The following ERMP1 variants were observed in gnomAD, a reference collection of about 807,000 sequenced individuals.
ERMP1 encodes the protein endoplasmic reticulum metallopeptidase 1, also known as Felix-ina.
ERMP1 carries 86 observed loss-of-function variants against 92.0 expected under a neutral mutation model. The observed-to-expected ratio is 0.93, with a 90% CI of 0.79 to 1.12. The LOEUF is 1.12. Ranked by LOEUF, ERMP1 falls within the 50% of genes most tolerant of loss-of-function variation. ERMP1 has a pLI of 0.00. For missense variants in ERMP1, 1,342 were observed against 1,116.3 expected, an observed-to-expected ratio of 1.20 and a Z score of -2.88; for synonymous variants, 530 against 412.8, an observed-to-expected ratio of 1.28 and a Z score of -3.44.
At chr9:5,843,201 T>C (rs1292088780) in intron 6 of ERMP1, among the ~76,000 whole-genome samples, 2 of 152,190 alleles carry the variant, frequency 1.3e-5, no homozygotes, top group Non-Finnish European at 2.9e-5. Context: ...TGGCGTGAAC[T>C]AGAACCCTGG....
At chr9:5,859,217 T>G (rs1830426783) in intron 6 of ERMP1, among the ~76,000 whole-genome samples, 1 of 152,230 alleles carries the variant, frequency 6.6e-6, no homozygotes. Flanking sequence ...AAACGGGATC[T>G]TCTCTGTTCT....
chr9:5,809,233 G>T (rs1341152850), intron 8 of ERMP1, among the ~76,000 whole-genome samples: 1 of 151,432 alleles, frequency 6.6e-6, no homozygotes, highest in African/African-American at 2.4e-5. Context: ...TGTTAGCCAG[G>T]ATGGTCTCGA....
chr9:5,797,059 G>C (rs1328790263), intron 13 of ERMP1, among the ~76,000 whole-genome samples: 1 of 135,356 alleles, frequency 7.4e-6, no homozygotes, highest in African/African-American at 2.5e-5. Context: ...TTTTATTTTT[G>C]AGACAGGGTC....
At chr9:5,793,679 A>T (rs908014784) in intron 13 of ERMP1, among the ~76,000 whole-genome samples, 5 of 152,122 alleles carry the variant, frequency 3.3e-5, no homozygotes, top group Non-Finnish European at 7.4e-5. Flanking sequence ...CTTTTAAAGC[A>T]AGGAAAATTA....
At chr9:5,828,501 T>G (rs13295874) in intron 2 of ERMP1, among the ~76,000 whole-genome samples, 2,978 of 152,342 alleles carry the variant, frequency 0.02, 32 homozygotes, top group Non-Finnish European at 0.025. Context: ...AACACTTTAC[T>G]AACTAACCTT....
intron 6 of ERMP1, among the ~76,000 whole-genome samples, chr9:5,854,763 G>T (rs895538287): frequency 6.6e-6 from 1 of 152,130 alleles, no homozygotes; most frequent in African/African-American, 2.4e-5. Context: ...CTGACCTCAG[G>T]TAATCCACTC....
intron 13 of ERMP1, among the ~76,000 whole-genome samples, chr9:5,795,555 G>A (rs576565169): frequency 1.1e-3 from 164 of 152,292 alleles, no homozygotes; most frequent in African/African-American, 3.2e-3. Flanking sequence ...TGAGGCAGGC[G>A]GATCACAAGG....
intron 5 of ERMP1, among the ~76,000 whole-genome samples, chr9:5,865,401 G>T (rs1031310238): frequency 3.0e-4 from 45 of 152,172 alleles, no homozygotes; most frequent in Non-Finnish European, 4.6e-4. Context: ...CCAGCTACTT[G>T]GGAGGCTGAG....
intron 13 of ERMP1, among the ~76,000 whole-genome samples, chr9:5,788,842 C>T (rs1828048612): frequency 6.6e-6 from 1 of 151,958 alleles, no homozygotes; most frequent in Non-Finnish European, 1.5e-5. Flanking sequence ...ATTAAAAGGA[C>T]CGACTAGACT....
intron 8 of ERMP1, 29 bp downstream of exon 8, chr9:5,809,982 A>C: frequency 6.8e-7 from 1 of 1,476,110 alleles, no homozygotes; most frequent in Non-Finnish European, 9.4e-7. Context: ...GGCAACAGAA[A>C]GAAATCAACA....
At chr9:5,813,090 T>C in intron 4 of ERMP1, 55 bp from the exon 5 acceptor site, 2 of 1,586,228 alleles carry the variant, frequency 1.3e-6, no homozygotes, top group East Asian at 2.2e-5. Context: ...TTTTTTAACA[T>C]ACTAATGTTT....
At position 5,785,872 on chromosome 9, in the gene ERMP1, G is replaced by A. The variant is rs1428559873; in HGVS notation, c.*1272C>T. The A allele has an allele frequency of 6.6e-6, 1 of 152,152 alleles. No individual in the cohort carries two copies. The highest frequency in any genetic ancestry group is 1.5e-5 in the Non-Finnish European group (1 of 68,028). 9.4% of individuals were successfully genotyped at this position (152,152 alleles called of 1,614,324 possible). A position where few individuals can be genotyped will look rare whatever the true frequency, so the allele number is the denominator to read the frequency against. On this transcript the variant is annotated 3_prime_UTR_variant, in exon 15 of 15. Transcript: ENST00000339450. ...CACATTTCCTAATGATAAAAAGAAA[G>A]CTTGCACAGTTTACCATTGATCTCA...
chr9:5,821,176 T>TA (rs1364920263), intron 4 of ERMP1, among the ~76,000 whole-genome samples: 4 of 152,254 alleles, frequency 2.6e-5, no homozygotes, highest in Non-Finnish European at 5.9e-5. Context: ...TTTGCTTTAT[T>TA]ATTAAAGTGA....
intron 5 of ERMP1, among the ~76,000 whole-genome samples, chr9:5,860,503 G>A (rs1264316650): frequency 6.6e-6 from 1 of 152,056 alleles, no homozygotes; most frequent in Non-Finnish European, 1.5e-5. Flanking sequence ...GAGCCATAAC[G>A]TATGGGCTCA....
Position 5,785,429 on chromosome 9 carries a change from G to A in ERMP1, c.*1715C>T, listed in dbSNP as rs1191875473. On this transcript the variant is annotated 3_prime_UTR_variant, in exon 15 of 15. Coordinates refer to ENST00000339450, the MANE Select transcript of ERMP1 (RefSeq NM_024896.3). ...ATGTGCTACCTGACAGATAAAAGTA[G>A]CAGGAGCCAGACTCTTGAAGCACTT... 1 of 152,126 alleles carries A rather than the reference G, an allele frequency of 6.6e-6. No individual in the cohort carries two copies. The highest frequency in any genetic ancestry group is 1.5e-5 in the Non-Finnish European group (1 of 68,038). The allele number at this position is 152,126 out of a possible 1,614,324, so 9.4% of individuals were successfully genotyped here.
chr9:5,804,043 G>C (rs908354628), intron 10 of ERMP1, among the ~76,000 whole-genome samples: 1 of 152,030 alleles, frequency 6.6e-6, no homozygotes, highest in African/African-American at 2.4e-5. Flanking sequence ...GCTGTCTTTA[G>C]AACCTAACTT....
At chr9:5,829,183 C>T (rs1232456760) in intron 2 of ERMP1, among the ~76,000 whole-genome samples, 1 of 149,086 alleles carries the variant, frequency 6.7e-6, no homozygotes, top group Non-Finnish European at 1.5e-5. Flanking sequence ...CCACTGCATG[C>T]CAGCCTGGTG....
At chr9:5,845,114 G>C (rs1830219218) in intron 6 of ERMP1, among the ~76,000 whole-genome samples, 1 of 148,518 alleles carries the variant, frequency 6.7e-6, no homozygotes. Context: ...ATCGTGTTTT[G>C]TTTTTGTTTC....
rs1404508834 is a variant in ERMP1, at chr9:5,825,160, T to C, written c.700A>G (p.Thr234Ala). The C allele has an allele frequency of 7.4e-6, 12 of 1,614,116 alleles. No individual in the cohort carries two copies. Among genetic ancestry groups the C allele is most frequent in the African/African-American group, 1.3e-5 (1 of 75,054 alleles). ...GCATGATGCAAGGCTTCTGAAGATG[T>C]TGACAAGACGCGAAGGACTTCCAGC... is the stretch of plus-strand genomic sequence containing the variant. ...VMLEVLRVLS[T>A]SSEALHHAVI... Residue 234 changes from threonine (T) to alanine (A), a missense_variant, in exon 3 of 15, where the codon ACA becomes GCA. Coordinates refer to ENST00000339450, the MANE Select transcript of ERMP1 (RefSeq NM_024896.3).
Sources: gnomAD v4.1 joint callset for allele counts (sites outside exome capture counted in the v4.1 genomes callset) on GRCh38, gnomAD v4.1.1 for gene constraint, MANE v1.5 for transcripts, NCBI Gene and HGNC (gene_info 2026-07-23, HGNC 2026-07-21) for gene names.